The following LSAMP variants were observed in gnomAD, a reference collection of about 807,000 sequenced individuals.
LSAMP encodes the protein limbic system associated membrane protein, also known as limbic system-associated membrane protein.
LSAMP carries 7 observed loss-of-function variants against 38.6 expected under a neutral mutation model. That is an observed-to-expected ratio of 0.18 (90% CI 0.10 to 0.34). The LOEUF (loss-of-function observed/expected upper bound fraction) is 0.34, where lower values mean the gene tolerates loss of function less well. LSAMP is among the 10% of genes least tolerant of loss of function. The pLI is 1.00. For synonymous variants in LSAMP, 154 were observed against 166.8 expected (o/e 0.92, Z 0.59); for missense variants, 313 against 420.0 (o/e 0.75, Z 2.23).
chr3:115,816,747 TAAGAG>T (rs1408503759), intron 6 of LSAMP: 1 of 577,242 alleles, frequency 1.7e-6, no homozygotes, highest in Non-Finnish European at 2.7e-6. Context: ...GAAAGGCGAA[TAAGAG>T]AAAAGGAGGA....
intron 1 of LSAMP, among the ~76,000 whole-genome samples, chr3:116,420,101 C>CTTTT (rs374517771): frequency 7.0e-6 from 1 of 143,610 alleles, no homozygotes; most frequent in Admixed American, 7.0e-5. Flanking sequence ...TTTTTCTTTT[C>CTTTT]TTTTTTTTTT....
intron 3 of LSAMP, among the ~76,000 whole-genome samples, chr3:115,975,703 GT>G (rs955293372): frequency 6.6e-5 from 10 of 151,944 alleles, no homozygotes; most frequent in African/African-American, 2.4e-5. Flanking sequence ...AGCATTGACT[GT>G]TTTTTTCCCT....
intron 1 of LSAMP, among the ~76,000 whole-genome samples, chr3:116,291,467 G>A (rs1386899096): frequency 2.0e-5 from 3 of 152,158 alleles, no homozygotes; most frequent in Non-Finnish European, 4.4e-5. Context: ...TGCAAAATAA[G>A]TGCTTTGGCC....
chr3:116,028,959 A>C (rs1326301068), intron 2 of LSAMP, among the ~76,000 whole-genome samples: 1 of 152,144 alleles, frequency 6.6e-6, no homozygotes, highest in Non-Finnish European at 1.5e-5. Flanking sequence ...TATCTCCAAT[A>C]AAAAGTGACA....
chr3:116,351,534 AC>A (rs1186257109), intron 1 of LSAMP, among the ~76,000 whole-genome samples: 9 of 150,484 alleles, frequency 6.0e-5, no homozygotes, highest in African/African-American at 2.2e-4. Context: ...CTCTCACATT[AC>A]GTGTAATTAT....
intron 1 of LSAMP, among the ~76,000 whole-genome samples, chr3:116,257,600 G>A (rs575336489): frequency 9.9e-5 from 15 of 151,832 alleles, no homozygotes; most frequent in Non-Finnish European, 1.8e-4. Flanking sequence ...TGCTGCTAAT[G>A]ATAAAATAAA....
chr3:116,202,553 T>A (rs1231012573), intron 1 of LSAMP, among the ~76,000 whole-genome samples: 1 of 152,052 alleles, frequency 6.6e-6, no homozygotes, highest in East Asian at 1.9e-4. Flanking sequence ...CGAATTATTG[T>A]TCCATCTCAG....
chr3:116,334,786 T>C (rs1005836390), intron 1 of LSAMP, among the ~76,000 whole-genome samples: 2 of 152,016 alleles, frequency 1.3e-5, no homozygotes, highest in Admixed American at 1.3e-4. Context: ...GCAAACATTA[T>C]CAATGGTGAA....
chr3:116,113,828 C>T (rs1466448550), intron 1 of LSAMP, among the ~76,000 whole-genome samples: 2 of 151,986 alleles, frequency 1.3e-5, no homozygotes, highest in African/African-American at 2.4e-5. Context: ...CTCACAAAAA[C>T]AAAATGACAA....
At chr3:116,231,405 C>A (rs1467355607) in intron 1 of LSAMP, among the ~76,000 whole-genome samples, 2 of 152,126 alleles carry the variant, frequency 1.3e-5, no homozygotes, top group Non-Finnish European at 2.9e-5. Flanking sequence ...CTTCCAATTT[C>A]TATTTGAGGG....
intron 1 of LSAMP, among the ~76,000 whole-genome samples, chr3:116,392,082 C>T (rs2048708651): frequency 6.6e-6 from 1 of 152,214 alleles, no homozygotes; most frequent in Admixed American, 6.5e-5. Flanking sequence ...CACACCTGCC[C>T]TGAAAGCCTG....
intron 1 of LSAMP, among the ~76,000 whole-genome samples, chr3:116,398,400 T>G (rs915516000): frequency 6.6e-6 from 1 of 152,166 alleles, no homozygotes; most frequent in Non-Finnish European, 1.5e-5. Context: ...AAATCCCCAG[T>G]CCATAGGAGA....
chr3:116,339,598 A>G (rs1316898325), intron 1 of LSAMP, among the ~76,000 whole-genome samples: 1 of 151,952 alleles, frequency 6.6e-6, no homozygotes, highest in African/African-American at 2.4e-5. Context: ...GGAATGATTG[A>G]CTGGTAGAGC....
intron 3 of LSAMP, among the ~76,000 whole-genome samples, chr3:115,900,786 C>T (rs1343585377): frequency 6.6e-6 from 1 of 152,116 alleles, no homozygotes; most frequent in Non-Finnish European, 1.5e-5. Flanking sequence ...AACCATTATT[C>T]GCTTTCAGGT....
At chr3:116,008,920 C>T (rs1464043396) in intron 3 of LSAMP, among the ~76,000 whole-genome samples, 1 of 152,066 alleles carries the variant, frequency 6.6e-6, no homozygotes, top group African/African-American at 2.4e-5. Flanking sequence ...GGGATGGGAC[C>T]CAATATTCTG....
intron 3 of LSAMP, among the ~76,000 whole-genome samples, chr3:115,905,857 A>C (rs1452143600): frequency 6.6e-6 from 1 of 152,066 alleles, no homozygotes; most frequent in Non-Finnish European, 1.5e-5. Flanking sequence ...AAAATACATA[A>C]GGATATTTTT....
intron 1 of LSAMP, among the ~76,000 whole-genome samples, chr3:116,323,297 C>A (rs1576127171): frequency 1.3e-5 from 2 of 151,854 alleles, no homozygotes; most frequent in South Asian, 2.1e-4. Context: ...TTTTGCATAC[C>A]TTTTTTTTCC....
At chr3:115,902,356 C>A (rs925315558) in intron 3 of LSAMP, among the ~76,000 whole-genome samples, 1 of 151,942 alleles carries the variant, frequency 6.6e-6, no homozygotes. Context: ...AAAGTTTACT[C>A]TTTAAAAAGG....
chr3:116,194,358 A>T (rs988563569), intron 1 of LSAMP, among the ~76,000 whole-genome samples: 6 of 151,866 alleles, frequency 4.0e-5, no homozygotes, highest in African/African-American at 1.4e-4. Flanking sequence ...AAACTGCAGT[A>T]CTGATGTGGG....
Sources: gnomAD v4.1 joint callset for allele counts (sites outside exome capture counted in the v4.1 genomes callset) on GRCh38, gnomAD v4.1.1 for gene constraint, MANE v1.5 for transcripts, NCBI Gene and HGNC (gene_info 2026-07-23, HGNC 2026-07-21) for gene names.